Variants in OR8B8 observed in about 807,000 individuals in gnomAD.
The protein encoded by OR8B8 is olfactory receptor family 8 subfamily B member 8, also known as olfactory receptor 8B8.
OR8B8 carries 8 observed loss-of-function variants against 10.5 expected under a neutral mutation model. The observed-to-expected ratio is 0.76, with a 90% CI of 0.45 to 1.38. The LOEUF is 1.38. OR8B8 is among the 40% of genes most tolerant of loss of function. OR8B8 has a pLI of 0.00. For synonymous variants in OR8B8, 150 were observed against 145.2 expected (o/e 1.03, Z -0.24); for missense variants, 390 against 380.5 (o/e 1.03, Z -0.21).
Position 124,439,948 on chromosome 11 carries a change from A to G in OR8B8, c.*202T>C, listed in dbSNP as rs1340407604. 3.6e-6 allele frequency: 2 copies of G among 559,128 alleles called. No homozygotes were observed. The highest frequency in any genetic ancestry group is 6.3e-6 in the Non-Finnish European group (2 of 318,656). 34.6% of individuals were successfully genotyped at this position (559,128 alleles called of 1,614,324 possible). ...CATAAGCTTGAGTCTATCCTCAGAA[A>G]TAGCGGGGAACTGAGTGAAATGATC... On this transcript the variant is annotated 3_prime_UTR_variant, in exon 3 of 3. Coordinates refer to ENST00000642064, the MANE Select transcript of OR8B8 (RefSeq NM_012378.2).
Position 124,440,567 on chromosome 11 carries a change from A to G in OR8B8, c.519T>C (p.Leu173=), listed in dbSNP as rs1565361795. ...MMGVTFCANN[L]VNHYMCDILP... is the part of the protein sequence containing the mutation. ...GGATGTCACACATGTAGTGGTTGAC[A>G]AGGTTATTGGCACAGAAGGTCACAC... The change falls in exon 3 of 3, where the codon CTT becomes CTC. Residue 173 remains leucine (L), a synonymous_variant. Coordinates refer to ENST00000642064, the MANE Select transcript of OR8B8 (RefSeq NM_012378.2). The G allele has an allele frequency of 6.2e-7, 1 of 1,614,090 alleles. No individual in the cohort carries two copies. The highest frequency in any genetic ancestry group is 1.3e-5 in the African/African-American group (1 of 74,938).
At position 124,440,547 on chromosome 11, in the gene OR8B8, T is replaced by C; in HGVS notation, c.539A>G (p.Asp180Gly). The C allele has an allele frequency of 6.2e-7, 1 of 1,614,188 alleles. No individual in the cohort carries two copies. Among genetic ancestry groups the C allele is most frequent in the Non-Finnish European group, 8.5e-7 (1 of 1,180,050 alleles). Residue 180 changes from aspartate (D) to glycine (G), a missense_variant, in exon 3 of 3, where the codon GAC becomes GGC. Transcript: ENST00000642064. ...ANNLVNHYMC[D>G]ILPLLECACT... Reference sequence around the variant, plus strand: ...AGCACACTCAAGAAGGGGAAGGATGTCACACATGTAGTGGTTGACAAGGTT... The same window carrying C: ...AGCACACTCAAGAAGGGGAAGGATGCCACACATGTAGTGGTTGACAAGGTT...
chr11:124,442,200 C>T (rs1204031886), intron 1 of OR8B8, among the ~76,000 whole-genome samples: 2 of 152,114 alleles, frequency 1.3e-5, no homozygotes, highest in Non-Finnish European at 2.9e-5. Context: ...AGTAACTCCC[C>T]AAATGTTAAG....
rs2134238472 is a variant in OR8B8 at position 124,440,936 on chromosome 11, C to A, written c.150G>T (p.Arg50Ser). The A allele has an allele frequency of 6.2e-7, 1 of 1,613,996 alleles. No homozygotes were observed. Among genetic ancestry groups the A allele is most frequent in the Non-Finnish European group, 8.5e-7 (1 of 1,180,008 alleles). ...VGNLGLITLI[R>S]LNSHLHTPMY... Reference sequence around the variant, plus strand: ...TAGGGGTGTGCAAGTGAGAGTTGAGCCTTATCAGGGTTATCAAGCCCAGGT... The same window carrying A: ...TAGGGGTGTGCAAGTGAGAGTTGAGACTTATCAGGGTTATCAAGCCCAGGT... Residue 50 changes from arginine (R) to serine (S), a missense_variant, in exon 3 of 3, where the codon AGG (arginine) becomes AGT (serine). Coordinates refer to ENST00000642064, the MANE Select transcript of OR8B8 (RefSeq NM_012378.2).
At position 124,441,016 on chromosome 11, in the gene OR8B8, G is replaced by C. The variant is rs1861468962; in HGVS notation, c.70C>G (p.Gln24Glu). ...LAGLTDQPGV[Q>E]IPLFFLFLGF... ...AGAAACAGGAAGAAGAGGGGGATCT[G>C]GACTCCCGGTTGGTCAGTTAAGCCT... The change falls in exon 3 of 3, where the codon CAG (glutamine) becomes GAG (glutamate). Residue 24 changes from glutamine to glutamate, a missense_variant. Physicochemically the swap from Gln to Glu is conservative, Grantham distance 29. Coordinates refer to ENST00000642064, the MANE Select transcript of OR8B8 (RefSeq NM_012378.2). The C allele has an allele frequency of 7.4e-6, 12 of 1,613,680 alleles. No individual in the cohort carries two copies. Among genetic ancestry groups the C allele is most frequent in the Non-Finnish European group, 9.3e-6 (11 of 1,180,022 alleles).
rs1022616960 is a variant in OR8B8 at position 124,443,164 on chromosome 11, A to G, written c.-152-1541T>C. 5.5e-5 allele frequency among the ~76,000 whole-genome samples: 8 copies of G among 145,210 alleles called. No individual in the cohort carries two copies. In the East Asian group the frequency reaches 1.2e-3, roughly 21 times the overall value. On this transcript the variant is annotated intron_variant, in intron 1 of 2. Transcript: ENST00000642064. ...ACCAGTCAGAGTTGGTTGGTGGTGA[A>G]GTCCAGAATAAAACTTGGGTCTCCA...
Position 124,437,754 on chromosome 11 carries a change from T to G in OR8B8, c.*2396A>C, listed in dbSNP as rs1305794600. On this transcript the variant is annotated 3_prime_UTR_variant, in exon 3 of 3. Transcript: ENST00000642064. ...CTCTTTTATAAGGACACTAACCTCA[T>G]TCATGAGGGCCCCACCCTCATTACC... 6.6e-6 allele frequency: 1 copy of G among 151,736 alleles called. No individual in the cohort carries two copies. Among genetic ancestry groups the G allele is most frequent in the Non-Finnish European group, 1.5e-5 (1 of 67,982 alleles). The allele number at this position is 151,736 out of a possible 1,614,324, so 9.4% of individuals were successfully genotyped here. A position where few individuals can be genotyped will look rare whatever the true frequency, so the allele number is the denominator to read the frequency against.
rs755934153 is a variant in OR8B8 at position 124,440,893 on chromosome 11, T to G, written c.193A>C (p.Asn65His). ...TAGCAGAAATCTATGAAGGACAAGTTATAGAGGAAGAAGTACATAGGGGTG... is the reference window on the plus strand; with the variant it reads ...TAGCAGAAATCTATGAAGGACAAGTGATAGAGGAAGAAGTACATAGGGGTG... ...LHTPMYFFLY[N>H]LSFIDFCYSS... Residue 65 changes from asparagine to histidine, a missense_variant, in exon 3 of 3, where the codon AAC (asparagine) becomes CAC (histidine). Asn to His is a moderately conservative substitution (Grantham distance 68, BLOSUM62 1). Transcript: ENST00000642064. 1 of 1,613,920 alleles carries G rather than the reference T, an allele frequency of 6.2e-7. No individual in the cohort carries two copies. Among genetic ancestry groups the G allele is most frequent in the African/African-American group, 1.3e-5 (1 of 74,856 alleles).
chr11:124,445,283 T>G (rs1260129033), intron 1 of OR8B8, among the ~76,000 whole-genome samples: 2 of 152,054 alleles, frequency 1.3e-5, no homozygotes, highest in African/African-American at 2.4e-5. Context: ...CAATCCACAT[T>G]CTTCACCCTC....
rs1215067706 is a variant in OR8B8, at chr11:124,440,238, G to A, written c.848C>T (p.Pro283Leu). Residue 283 changes from proline (P) to leucine (L), a missense_variant, in exon 3 of 3, where the codon CCC (proline) becomes CTC (leucine). Coordinates refer to ENST00000642064, the MANE Select transcript of OR8B8 (RefSeq NM_012378.2). ...GCTATAAATTAATGGGTTGAGCATG[G>A]GCACCACAGTGGTATAGAATAGGGA... ...VSSLFYTTVV[P>L]MLNPLIYSLR... The A allele has an allele frequency of 3.7e-6, 6 of 1,614,104 alleles. No homozygotes were observed. In the South Asian group the frequency reaches 6.6e-5, roughly 18 times the overall value.
intron 1 of OR8B8, among the ~76,000 whole-genome samples, chr11:124,442,497 A>G (rs1267093188): frequency 6.6e-6 from 1 of 152,248 alleles, no homozygotes; most frequent in Non-Finnish European, 1.5e-5. Context: ...TACCCAGTCC[A>G]GAAGACAAAC....
At chr11:124,444,378 C>A (rs1424955024) in intron 1 of OR8B8, among the ~76,000 whole-genome samples, 1 of 152,138 alleles carries the variant, frequency 6.6e-6, no homozygotes, top group Non-Finnish European at 1.5e-5. Context: ...TGAGCATGAC[C>A]TATCAAAACA....
In OR8B8 at chr11:124,437,713, G is replaced by T. The variant is rs1037735747; in HGVS notation, c.*2437C>A. On this transcript the variant is annotated 3_prime_UTR_variant, in exon 3 of 3. Coordinates refer to ENST00000642064, the MANE Select transcript of OR8B8 (RefSeq NM_012378.2). ...GCTGGGATTACAGGCGTGAGCCACC[G>T]CACCCAGCCTCAGGACTCTTTTATA... The T allele has an allele frequency of 3.9e-5, 6 of 152,008 alleles. No individual in the cohort carries two copies. The highest frequency in any genetic ancestry group is 8.8e-5 in the Non-Finnish European group (6 of 68,518). 9.4% of individuals were successfully genotyped at this position (152,008 alleles called of 1,614,324 possible). A position where few individuals can be genotyped will look rare whatever the true frequency, so the allele number is the denominator to read the frequency against.
chr11:124,443,815 G>C (rs1861500454), intron 1 of OR8B8, among the ~76,000 whole-genome samples: 1 of 152,058 alleles, frequency 6.6e-6, no homozygotes, highest in South Asian at 2.1e-4. Flanking sequence ...AATGTTTCTT[G>C]ACTACACTAC....
Position 124,440,408 on chromosome 11 carries a change from G to T in OR8B8, c.678C>A (p.Phe226Leu). ...ISYALILSSI[F>L]HIDSTEGRSK... ...ACCTGCCCTCCGTGGAATCAATGTG[G>T]AAGATGCTGGAGAGAATGAGAGCAT... The change falls in exon 3 of 3, where the codon TTC becomes TTA. Residue 226 changes from phenylalanine to leucine, a missense_variant. By Grantham distance (22) the Phe-to-Leu change is conservative. Coordinates refer to ENST00000642064, the MANE Select transcript of OR8B8 (RefSeq NM_012378.2). 1 of 1,614,214 alleles carries T rather than the reference G, an allele frequency of 6.2e-7. No homozygotes were observed. The highest frequency in any genetic ancestry group is 8.5e-7 in the Non-Finnish European group (1 of 1,180,032).
chr11:124,440,444 G>T lies in OR8B8; in HGVS notation c.642C>A (p.Ile214=), dbSNP rs936394254. The change falls in exon 3 of 3, where the codon ATC becomes ATA. Residue 214 remains isoleucine, a synonymous_variant. Transcript: ENST00000642064. The stretch of plus-strand genomic sequence containing the variant: ...AGAGAATGAGAGCATAGGAAATGAA[G>T]ATGGTGACTGTGGGCACACCAATAT... ...GIDIGVPTVT[I]FISYALILSS... 15 of 1,614,116 alleles carry T rather than the reference G, an allele frequency of 9.3e-6. No individual in the cohort carries two copies. In the African/African-American group the frequency reaches 1.6e-4, roughly 17 times the overall value.
rs1288494329 is a variant in OR8B8, at chr11:124,439,020, A to G, written c.*1130T>C. The G allele has an allele frequency of 1.3e-5, 2 of 152,384 alleles. No homozygotes were observed. Among genetic ancestry groups the G allele is most frequent in the South Asian group, 4.1e-4 (2 of 4,842 alleles). 9.4% of individuals were successfully genotyped at this position (152,384 alleles called of 1,614,324 possible). A position where few individuals can be genotyped will look rare whatever the true frequency, so the allele number is the denominator to read the frequency against. ...CGGCGTGAGGCGCCAAGGGGCAGAA[A>G]GTTGATCTGTGAAACCATGCAAAAA... On this transcript the variant is annotated 3_prime_UTR_variant, in exon 3 of 3. Transcript: ENST00000642064.
Position 124,440,518 on chromosome 11 carries a change from T to C in OR8B8, c.568A>G (p.Thr190Ala), listed in dbSNP as rs150910218. 2.5e-6 allele frequency: 4 copies of C among 1,614,064 alleles called. No individual in the cohort carries two copies. In the African/African-American group the frequency reaches 5.3e-5, roughly 22 times the overall value. ...DILPLLECAC[T>A]STYVNELVVF... is the part of the protein sequence containing the mutation. ...ACAAGCTCATTCACATAGGTGCTGG[T>C]GCAAGCACACTCAAGAAGGGGAAGG... Residue 190 changes from threonine (T) to alanine (A), a missense_variant, in exon 3 of 3, where the codon ACC becomes GCC. Transcript: ENST00000642064.
chr11:124,440,058 T>C lies in OR8B8; in HGVS notation c.*92A>G, dbSNP rs139197710. The stretch of plus-strand genomic sequence containing the variant: ...CTTAAAATGGGGATGATGAACCTGT[T>C]TGAGGAAAAATTATATTTCTTCCAT... On this transcript the variant is annotated 3_prime_UTR_variant, in exon 3 of 3. Transcript: ENST00000642064. 381 of 1,049,752 alleles carry C rather than the reference T, an allele frequency of 3.6e-4. No homozygotes were observed. In the African/African-American group the frequency reaches 5.7e-3, roughly 16 times the overall value. 65.0% of individuals were successfully genotyped at this position (1,049,752 alleles called of 1,614,324 possible).
Sources: gnomAD v4.1 joint callset for allele counts (sites outside exome capture counted in the v4.1 genomes callset) on GRCh38, gnomAD v4.1.1 for gene constraint, MANE v1.5 for transcripts, NCBI Gene and HGNC (gene_info 2026-07-23, HGNC 2026-07-21) for gene names.